The following RIN2 variants were observed in gnomAD, a reference collection of about 807,000 sequenced individuals.
RIN2 encodes RAB5 interacting protein 2.
In RIN2, 36 loss-of-function variants were observed where a neutral mutation model predicts 78.0. That is an observed-to-expected ratio of 0.46 (90% CI 0.35 to 0.61). The LOEUF is 0.61. Among genes scored for constraint, RIN2 ranks in the 20% least tolerant of loss-of-function variants. The probability of loss-of-function intolerance (pLI) is 0.00; values close to 1 mark genes in which losing one functional copy is unlikely to be tolerated. For missense variants in RIN2, 1,087 were observed against 1,159.7 expected (o/e 0.94, Z 0.91); for synonymous variants, 466 against 466.8 (o/e 1.00, Z 0.02).
At chr20:19,939,907 A>G (rs547594948) in intron 4 of RIN2, among the ~76,000 whole-genome samples, 3 of 150,690 alleles carry the variant, frequency 2.0e-5, no homozygotes, top group African/African-American at 2.4e-5. Flanking sequence ...CTGGAGTGCA[A>G]TAGTGGTGTG....
chr20:19,879,893 G>A (rs1195351221), intron 2 of RIN2, among the ~76,000 whole-genome samples: 1 of 152,184 alleles, frequency 6.6e-6, no homozygotes, highest in East Asian at 1.9e-4. Context: ...CAACCACAGA[G>A]AGAACACATG....
intron 2 of RIN2, among the ~76,000 whole-genome samples, chr20:19,888,129 T>C (rs753393480): frequency 1.8e-4 from 28 of 151,910 alleles, no homozygotes; most frequent in Non-Finnish European, 3.5e-4. Flanking sequence ...GGATCACAAG[T>C]GGAAAGAAAC....
At chr20:19,777,186 G>C (rs1250399015) in intron 1 of RIN2, among the ~76,000 whole-genome samples, 2 of 152,320 alleles carry the variant, frequency 1.3e-5, no homozygotes, top group East Asian at 3.9e-4. Context: ...AGAACTGTGT[G>C]CTCAGGGCCA....
chr20:19,906,887 G>C (rs1253354634), intron 3 of RIN2, among the ~76,000 whole-genome samples: 1 of 152,164 alleles, frequency 6.6e-6, no homozygotes, highest in Non-Finnish European at 1.5e-5. Flanking sequence ...CATACACATT[G>C]GAGTGACTGC....
chr20:19,863,628 C>A (rs2037412456), intron 2 of RIN2, among the ~76,000 whole-genome samples: 1 of 152,188 alleles, frequency 6.6e-6, no homozygotes, highest in African/African-American at 2.4e-5. Flanking sequence ...CTCTTTCCTG[C>A]CTCACTTTCC....
At position 19,975,809 on chromosome 20, in the gene RIN2, A is replaced by T; in HGVS notation, c.1762+22A>T. The T allele has an allele frequency of 6.4e-7, 1 of 1,573,804 alleles. No individual in the cohort carries two copies. Among genetic ancestry groups the T allele is most frequent in the Middle Eastern group, 1.7e-4 (1 of 6,000 alleles). Reference sequence around the variant, plus strand: ...ATAGGTAAGTACCCTCTTTTTTAAAATATAAAATCTATTGTAACTCTGTCC... The same window carrying T: ...ATAGGTAAGTACCCTCTTTTTTAAATTATAAAATCTATTGTAACTCTGTCC... On this transcript the variant is annotated intron_variant, in intron 9 of 12. Transcript: ENST00000255006. This position sits in a 1 kb window ranked among gnomAD's most constrained non-coding sequence, Gnocchi z 4.9.
At chr20:19,980,393 C>A (rs1255616032) in intron 9 of RIN2, among the ~76,000 whole-genome samples, 1 of 152,048 alleles carries the variant, frequency 6.6e-6, no homozygotes, top group Non-Finnish European at 1.5e-5. Context: ...AGGTTGACAC[C>A]CCTGGAGTTG....
Position 19,975,723 on chromosome 20 carries a change from C to T in RIN2, c.1698C>T (p.Asn566=), listed in dbSNP as rs1212873364. 1.2e-6 allele frequency: 2 copies of T among 1,613,402 alleles called. No homozygotes were observed. The highest frequency in any genetic ancestry group is 1.7e-5 in the Admixed American group (1 of 59,982). ...TIRQFMTQVK[N]YLSQSSELDP... ...GGCAGTTCATGACCCAGGTCAAGAA[C>T]TATTTGTCTCAGAGCTCGGAGCTGG... The change falls in exon 9 of 13, where the codon AAC becomes AAT. Residue 566 remains asparagine, a synonymous_variant. Transcript: ENST00000255006. The surrounding 1 kb of genome is among the most constrained non-coding windows in gnomAD (Gnocchi z 4.9).
chr20:19,893,250 C>T (rs983736943), intron 3 of RIN2, among the ~76,000 whole-genome samples: 2 of 152,164 alleles, frequency 1.3e-5, no homozygotes, highest in African/African-American at 4.8e-5. Flanking sequence ...ACTCTTGATG[C>T]TACCGCAACG....
intron 1 of RIN2, among the ~76,000 whole-genome samples, chr20:19,784,066 C>A (rs772713457): frequency 6.6e-6 from 1 of 152,206 alleles, no homozygotes; most frequent in African/African-American, 2.4e-5. Context: ...AGGGCTGGCA[C>A]GTGGCACCGG....
At chr20:19,917,459 T>A (rs903030662) in intron 3 of RIN2, among the ~76,000 whole-genome samples, 10 of 152,232 alleles carry the variant, frequency 6.6e-5, no homozygotes, top group Non-Finnish European at 1.2e-4. Context: ...TGATAATAGT[T>A]ATTTTTACTG....
chr20:19,827,464 C>G (rs1242544555), intron 2 of RIN2, among the ~76,000 whole-genome samples: 1 of 152,184 alleles, frequency 6.6e-6, no homozygotes, highest in Non-Finnish European at 1.5e-5. Context: ...AGCTTCATAG[C>G]TGGAGAAGTC....
chr20:19,843,789 T>C (rs2036652531), intron 2 of RIN2, among the ~76,000 whole-genome samples: 1 of 152,192 alleles, frequency 6.6e-6, no homozygotes, highest in Admixed American at 6.5e-5. Context: ...ATATAGTCAC[T>C]TTTCTTTAAT....
chr20:19,993,790 C>T (rs2042871605), intron 11 of RIN2, among the ~76,000 whole-genome samples: 1 of 152,088 alleles, frequency 6.6e-6, no homozygotes, highest in African/African-American at 2.4e-5. Flanking sequence ...ACATAGCATG[C>T]TTTCCTTCCT....
chr20:19,837,747 TTC>T (rs1211859192), intron 2 of RIN2, among the ~76,000 whole-genome samples: 1 of 149,600 alleles, frequency 6.7e-6, no homozygotes, highest in Non-Finnish European at 1.5e-5. Flanking sequence ...TCTTTCTTTT[TTC>T]TCTTTCTTTT....
chr20:19,780,620 G>A (rs371661307), intron 1 of RIN2, among the ~76,000 whole-genome samples: 1 of 152,294 alleles, frequency 6.6e-6, no homozygotes, highest in South Asian at 2.1e-4. Flanking sequence ...GTGCTGAAAC[G>A]AAAGGCCAGA....
chr20:19,973,172 A>G (rs1159140283), intron 8 of RIN2, among the ~76,000 whole-genome samples: 1 of 152,240 alleles, frequency 6.6e-6, no homozygotes, highest in Non-Finnish European at 1.5e-5. Context: ...AACGTTTTCC[A>G]GTAACTGAAC....
chr20:19,980,007 G>T (rs1392282935), intron 9 of RIN2, among the ~76,000 whole-genome samples: 1 of 129,800 alleles, frequency 7.7e-6, no homozygotes, highest in Non-Finnish European at 1.6e-5. Flanking sequence ...TCATGCCATT[G>T]CACTCCAGCC....
intron 2 of RIN2, among the ~76,000 whole-genome samples, chr20:19,843,068 T>C (rs1600591744): frequency 1.3e-5 from 2 of 152,266 alleles, no homozygotes; most frequent in East Asian, 3.9e-4. Context: ...AACCTGAAGA[T>C]GTCGTTGAAT....
Sources: allele counts gnomAD v4.1 joint callset (sites outside exome capture counted in the v4.1 genomes callset), GRCh38; gene constraint gnomAD v4.1.1; non-coding constraint Gnocchi (gnomAD v3.1); transcripts MANE v1.5; gene names NCBI Gene and HGNC (gene_info 2026-07-23, HGNC 2026-07-21).